PRKCSH: variants seen among roughly 807,000 people sequenced by gnomAD.
PRKCSH encodes the protein PRKCSH beta subunit of glucosidase II.
PRKCSH carries 42 observed loss-of-function variants against 79.7 expected under a neutral mutation model. The ratio of observed to expected loss-of-function variants is 0.53; its 90% confidence interval spans 0.41 to 0.68. The LOEUF (loss-of-function observed/expected upper bound fraction) is 0.68, where lower values mean the gene tolerates loss of function less well. Among genes scored for constraint, PRKCSH ranks in the 30% least tolerant of loss-of-function variants. The pLI, the probability that PRKCSH is intolerant of heterozygous loss-of-function variation, is 0.00. For synonymous variants in PRKCSH, 325 were observed against 288.2 expected (o/e 1.13, Z -1.29); for missense variants, 686 against 709.0 (o/e 0.97, Z 0.37).
chr19:11,439,467 A>C (rs1969946209), intron 5 of PRKCSH, among the ~76,000 whole-genome samples: 1 of 151,592 alleles, frequency 6.6e-6, no homozygotes, highest in Admixed American at 6.6e-5. Flanking sequence ...TAATTTAAAA[A>C]ATTACTGGTT....
Position 11,449,397 on chromosome 19 carries a change from C to T in PRKCSH, c.1593C>T (p.Asp531=), listed in dbSNP as rs1197925530. Residue 531 remains aspartate, a synonymous_variant, in exon 17 of 18, where the codon GAC becomes GAT. Coordinates refer to ENST00000677123, the MANE Select transcript of PRKCSH (RefSeq NM_001289104.2). The surrounding 1 kb of genome is among the most constrained non-coding windows in gnomAD (Gnocchi z 6.4). ...EPPPEAPTED[D]HDEL ...CGCCTGAAGCACCCACCGAAGACGA[C>T]CATGACGAGCTCTAGCTGGATGGGC... The T allele has an allele frequency of 6.2e-7, 1 of 1,613,278 alleles. No individual in the cohort carries two copies. Among genetic ancestry groups the T allele is most frequent in the Non-Finnish European group, 8.5e-7 (1 of 1,179,954 alleles).
rs775061829 is a variant in PRKCSH at position 11,448,157 on chromosome 19, G to C, written c.1127-65G>C. The C allele has an allele frequency of 6.5e-5, 97 of 1,488,114 alleles. No individual in the cohort carries two copies. The highest frequency in any genetic ancestry group is 7.8e-5 in the Non-Finnish European group (85 of 1,090,154). The allele number at this position is 1,488,114 out of a possible 1,614,324, so 92.2% of individuals were successfully genotyped here. ...ATGGGAGCACACAGCCACATCCATG[G>C]AACCCCGTTCCCCATCCTCCTGGAT... On this transcript the variant is annotated intron_variant, in intron 12 of 17. Transcript: ENST00000677123. This position sits in a 1 kb window ranked among gnomAD's most constrained non-coding sequence, Gnocchi z 4.4.
rs1451266800 is a variant in PRKCSH at position 11,448,276 on chromosome 19, TGGA to T, written c.1186_1188del (p.Glu396del). ...GAGGCCGAGCGGTCGCTGAAGGACATGGAGGAGTCCATCAGGTAGCGGGGGCTG... is the reference window on the plus strand; with the variant it reads ...GAGGCCGAGCGGTCGCTGAAGGACATGGAGTCCATCAGGTAGCGGGGGCTG... On this transcript the variant is annotated inframe_deletion, in exon 13 of 18. Coordinates refer to ENST00000677123, the MANE Select transcript of PRKCSH (RefSeq NM_001289104.2). This position sits in a 1 kb window ranked among gnomAD's most constrained non-coding sequence, Gnocchi z 4.4. 6.4e-7 allele frequency: 1 copy of T among 1,573,360 alleles called. No homozygotes were observed. Among genetic ancestry groups the T allele is most frequent in the African/African-American group, 1.3e-5 (1 of 74,180 alleles).
rs777271732 is a variant in PRKCSH, at chr19:11,441,375, G to A, written c.468+18G>A. 12 of 1,611,690 alleles carry A rather than the reference G, an allele frequency of 7.4e-6. No individual in the cohort carries two copies. The East Asian group carries it at 1.3e-4, about 18-fold the overall frequency. On this transcript the variant is annotated intron_variant, in intron 6 of 17. Transcript: ENST00000677123. ...AGAAGCAGGTAAGGAACCCGCGGGG[G>A]CTGCCCCAGGGTGATCTGGGCCTTG... is the stretch of plus-strand genomic sequence containing the variant.
chr19:11,437,928 G>A lies in PRKCSH; in HGVS notation c.249G>A (p.Lys83=). The A allele has an allele frequency of 1.2e-6, 2 of 1,614,168 alleles. No individual in the cohort carries two copies. The highest frequency in any genetic ancestry group is 2.2e-5 in the East Asian group (1 of 44,880). The stretch of plus-strand genomic sequence containing the variant: ...TCCACTGCACCAACACTGGCTATAA[G>A]CCCCTGTATATCCCCTCCAACCGGG... The part of the protein sequence containing the change: ...GSFHCTNTGY[K]PLYIPSNRVN... The change falls in exon 4 of 18, where the codon AAG becomes AAA. Residue 83 remains lysine, a synonymous_variant. Transcript: ENST00000677123.
chr19:11,440,112 A>C lies in PRKCSH; in HGVS notation c.351-1128A>C, dbSNP rs114163248. Among the ~76,000 whole-genome samples the C allele has an allele frequency of 3.6e-3, 544 of 151,848 alleles. 7 individuals are homozygous for C. Among genetic ancestry groups the C allele is most frequent in the African/African-American group, 0.013 (521 of 41,462 alleles). On this transcript the variant is annotated intron_variant, in intron 5 of 17. Coordinates refer to ENST00000677123, the MANE Select transcript of PRKCSH (RefSeq NM_001289104.2). ...TGGTGTAAAACTCTCTGGATTCCACATCTTTTAAATAGAAGGTGGATTGAA... is the reference window on the plus strand; with the variant it reads ...TGGTGTAAAACTCTCTGGATTCCACCTCTTTTAAATAGAAGGTGGATTGAA...
chr19:11,445,735 A>G (rs1970266927), intron 8 of PRKCSH: 1 of 552,824 alleles, frequency 1.8e-6, no homozygotes, highest in Non-Finnish European at 3.3e-6. Context: ...CTAGGCATCT[A>G]GTGATCGGAT....
chr19:11,442,874 T>A (rs1326793834), intron 7 of PRKCSH, among the ~76,000 whole-genome samples: 1 of 152,036 alleles, frequency 6.6e-6, no homozygotes, highest in African/African-American at 2.4e-5. Flanking sequence ...ACTAATTGTT[T>A]TGTATTTTTA....
At chr19:11,444,447 C>T (rs1189518793) in intron 7 of PRKCSH, among the ~76,000 whole-genome samples, 1 of 152,180 alleles carries the variant, frequency 6.6e-6, no homozygotes. Context: ...AGGTCAGGGA[C>T]CCCTCAGGCC....
chr19:11,441,354 G>A lies in PRKCSH; in HGVS notation c.465G>A (p.Lys155=). ...ACTGGAAGAAGGCACGGGAGGAGAAGCAGGTAAGGAACCCGCGGGGGCTGC... is the reference window on the plus strand; with the variant it reads ...ACTGGAAGAAGGCACGGGAGGAGAAACAGGTAAGGAACCCGCGGGGGCTGC... ...IEDWKKAREE[K]QKKLIELQAG... The change falls in exon 6 of 18, where the codon AAG becomes AAA. Residue 155 remains lysine (K), a synonymous_variant. Coordinates refer to ENST00000677123, the MANE Select transcript of PRKCSH (RefSeq NM_001289104.2). The A allele has an allele frequency of 6.2e-7, 1 of 1,613,936 alleles. No individual in the cohort carries two copies. The highest frequency in any genetic ancestry group is 1.7e-5 in the Admixed American group (1 of 60,022).
In PRKCSH at chr19:11,448,441, C is replaced by A; in HGVS notation, c.1197-99C>A. 1 of 1,460,898 alleles carries A rather than the reference C, an allele frequency of 6.8e-7. No homozygotes were observed. Among genetic ancestry groups the A allele is most frequent in the Non-Finnish European group, 9.6e-7 (1 of 1,045,422 alleles). The allele number at this position is 1,460,898 out of a possible 1,614,324, so 90.5% of individuals were successfully genotyped here. On this transcript the variant is annotated intron_variant, in intron 13 of 17. Transcript: ENST00000677123. The surrounding 1 kb of genome is among the most constrained non-coding windows in gnomAD (Gnocchi z 4.4). ...CCTGGGAGGTGGCAGGGAGGACAGC[C>A]TGGGCACCATTGCTCAGCCAGACCC...
chr19:11,443,544 CAAA>C (rs1209714150), intron 7 of PRKCSH, among the ~76,000 whole-genome samples: 4 of 103,448 alleles, frequency 3.9e-5, no homozygotes, highest in African/African-American at 3.5e-5. Flanking sequence ...GACTCCGTCT[CAAA>C]AAAAAAAAAA....
chr19:11,447,356 G>A lies in PRKCSH; in HGVS notation c.850-83G>A. On this transcript the variant is annotated intron_variant, in intron 10 of 17. Transcript: ENST00000677123. The surrounding 1 kb of genome is among the most constrained non-coding windows in gnomAD (Gnocchi z 5.6). ...CCGCAGGAGGGGCAGAGACACCGAG[G>A]CTGCCCCTTGGGCTGTGGTGTGAGC... is the stretch of plus-strand genomic sequence containing the variant. The A allele has an allele frequency of 1.4e-6, 2 of 1,479,976 alleles. No homozygotes were observed. The highest frequency in any genetic ancestry group is 2.3e-5 in the East Asian group (1 of 42,984). The allele number at this position is 1,479,976 out of a possible 1,614,324, so 91.7% of individuals were successfully genotyped here.
Position 11,445,455 on chromosome 19 carries a change from A to G in PRKCSH, c.665A>G (p.Asp222Gly). 1.2e-6 allele frequency: 2 copies of G among 1,614,046 alleles called. No homozygotes were observed. The highest frequency in any genetic ancestry group is 1.7e-6 in the Non-Finnish European group (2 of 1,180,006). Residue 222 changes from aspartate to glycine, a missense_variant, in exon 8 of 18, where the codon GAT becomes GGT. By Grantham distance (94) the Asp-to-Gly change is moderately conservative (BLOSUM62 -1). Transcript: ENST00000677123. ...GCGGCTGATGCCTTCAAGGAGCTGG[A>G]TGATGACATGGACGGGACGTGAGTG... is the stretch of plus-strand genomic sequence containing the variant. Reference protein sequence around the residue: ...ELAADAFKELDDDMDGTVSVT... With the variant: ...ELAADAFKELGDDMDGTVSVT...
At position 11,448,843 on chromosome 19, in the gene PRKCSH, G is replaced by A; in HGVS notation, c.1287-71G>A. ...CCTGTGTGTGGGGACTGGAGGAGGC[G>A]GTGGGGGGTGGCTGTGGGAGGAGGC... On this transcript the variant is annotated intron_variant, in intron 14 of 17. Transcript: ENST00000677123. This position sits in a 1 kb window ranked among gnomAD's most constrained non-coding sequence, Gnocchi z 4.4. 3 of 1,569,546 alleles carry A rather than the reference G, an allele frequency of 1.9e-6. No homozygotes were observed. Among genetic ancestry groups the A allele is most frequent in the Non-Finnish European group, 2.6e-6 (3 of 1,140,038 alleles).
intron 5 of PRKCSH, 55 bp downstream of exon 5, chr19:11,438,179 C>T: frequency 5.0e-6 from 8 of 1,586,706 alleles, no homozygotes; most frequent in East Asian, 2.2e-5. Context: ...TTGCCTGGCT[C>T]CACCCAGTGA....
Position 11,449,805 on chromosome 19 carries a change from G to A in PRKCSH, c.*16+377G>A. On this transcript the variant is annotated intron_variant, in intron 17 of 17. Transcript: ENST00000677123. This position sits in a 1 kb window ranked among gnomAD's most constrained non-coding sequence, Gnocchi z 6.4. The stretch of plus-strand genomic sequence containing the variant: ...CTGCCTTGGCCTCCCAAAGTGCTGG[G>A]ATTACAGGCATGAGCCACCACACCC... 1 of 278,648 alleles carries A rather than the reference G, an allele frequency of 3.6e-6. No individual in the cohort carries two copies. The allele number at this position is 278,648 out of a possible 1,614,324, so 17.3% of individuals were successfully genotyped here.
rs1347345529 is a variant in PRKCSH, at chr19:11,446,419, G to GA, written c.762+70dup. 6 of 1,518,370 alleles carry GA rather than the reference G, an allele frequency of 4.0e-6. No individual in the cohort carries two copies. The African/African-American group carries it at 5.7e-5, about 15-fold the overall frequency. The allele number at this position is 1,518,370 out of a possible 1,614,324, so 94.1% of individuals were successfully genotyped here. A position where few individuals can be genotyped will look rare whatever the true frequency, so the allele number is the denominator to read the frequency against. ...GCCCCAGGGTGACCTCAGGGCACAG[G>GA]AGGGGGACCAAGGAAAGCTCCTTGC... is the stretch of plus-strand genomic sequence containing the variant. On this transcript the variant is annotated intron_variant, in intron 9 of 17. Coordinates refer to ENST00000677123, the MANE Select transcript of PRKCSH (RefSeq NM_001289104.2).
Position 11,447,483 on chromosome 19 carries a change from G to A in PRKCSH, c.894G>A (p.Thr298=), listed in dbSNP as rs762821967. The change falls in exon 11 of 18, where the codon ACG becomes ACA. Residue 298 remains threonine, a synonymous_variant. Coordinates refer to ENST00000677123, the MANE Select transcript of PRKCSH (RefSeq NM_001289104.2). The surrounding 1 kb of genome is among the most constrained non-coding windows in gnomAD (Gnocchi z 5.6). ...CAGCACCTTCTGCCCCTGACTTGACGGAGCCCAAGGAGGAGCAGCCGCCAG... is the reference window on the plus strand; with the variant it reads ...CAGCACCTTCTGCCCCTGACTTGACAGAGCCCAAGGAGGAGCAGCCGCCAG... ...DLPAPSAPDL[T]EPKEEQPPVP... is the part of the protein sequence containing the mutation. 8 of 1,613,838 alleles carry A rather than the reference G, an allele frequency of 5.0e-6. No homozygotes were observed. The African/African-American group carries it at 5.3e-5, about 11-fold the overall frequency.
Sources: allele counts gnomAD v4.1 joint callset (sites outside exome capture counted in the v4.1 genomes callset), GRCh38; gene constraint gnomAD v4.1.1; non-coding constraint Gnocchi (gnomAD v3.1); transcripts MANE v1.5; gene names NCBI Gene and HGNC (gene_info 2026-07-23, HGNC 2026-07-21).